Variants in NRXN3 observed in about 807,000 individuals in gnomAD.
NRXN3 encodes neurexin III.
Under a neutral mutation model 137.6 loss-of-function variants are expected in NRXN3, and 32 were observed. The ratio of observed to expected loss-of-function variants is 0.23; its 90% confidence interval spans 0.18 to 0.31. NRXN3 has a LOEUF of 0.31. NRXN3 is among the 10% of genes least tolerant of loss of function. The probability of loss-of-function intolerance (pLI) is 1.00; values close to 1 mark genes in which losing one functional copy is unlikely to be tolerated. For missense variants in NRXN3, 1,574 were observed against 2,062.5 expected, an observed-to-expected ratio of 0.76 and a Z score of 4.59; for synonymous variants, 798 against 784.5, an observed-to-expected ratio of 1.02 and a Z score of -0.29.
chr14:79,643,561 C>G (rs1283217760), intron 16 of NRXN3, among the ~76,000 whole-genome samples: 1 of 135,328 alleles, frequency 7.4e-6, no homozygotes, highest in Non-Finnish European at 1.7e-5. Flanking sequence ...CTTAATACAA[C>G]ATTGAAAGCC....
chr14:79,268,353 G>C (rs1358306408), intron 15 of NRXN3, among the ~76,000 whole-genome samples: 1 of 152,046 alleles, frequency 6.6e-6, no homozygotes. Context: ...TTCCGTATCT[G>C]TTTTCTTTTG....
At chr14:78,632,113 CAAAA>C (rs58767974) in intron 4 of NRXN3, among the ~76,000 whole-genome samples, 8,608 of 74,998 alleles carry the variant, frequency 0.11, 291 homozygotes, top group Middle Eastern at 0.27. Context: ...GACTCCGTCT[CAAAA>C]AAAAAAAAAA....
chr14:78,459,745 TATA>T (rs1567654040), intron 4 of NRXN3, among the ~76,000 whole-genome samples: 1 of 152,216 alleles, frequency 6.6e-6, no homozygotes, highest in Admixed American at 6.5e-5. Flanking sequence ...TTTCTCGTAC[TATA>T]TATTCACAAC....
chr14:79,836,835 G>T (rs1040692591), intron 20 of NRXN3, among the ~76,000 whole-genome samples: 1 of 152,082 alleles, frequency 6.6e-6, no homozygotes, highest in Non-Finnish European at 1.5e-5. Context: ...TGACTCACTA[G>T]CTTCTGTGTT....
At chr14:79,727,224 C>T (rs1360071273) in intron 19 of NRXN3, among the ~76,000 whole-genome samples, 5 of 152,100 alleles carry the variant, frequency 3.3e-5, no homozygotes, top group African/African-American at 9.7e-5. Context: ...AGTGAAACTA[C>T]GATGACCACA....
intron 16 of NRXN3, among the ~76,000 whole-genome samples, chr14:79,535,751 G>A (rs1229536303): frequency 6.6e-6 from 1 of 152,150 alleles, no homozygotes; most frequent in African/African-American, 2.4e-5. Flanking sequence ...GCTACTAAGT[G>A]ATGATGCCAA....
intron 1 of NRXN3, among the ~76,000 whole-genome samples, chr14:78,197,203 A>G (rs1165957024): frequency 6.6e-6 from 1 of 152,214 alleles, no homozygotes; most frequent in Non-Finnish European, 1.5e-5. Context: ...GCCCTCGCCC[A>G]ACCAGACTCT....
chr14:78,965,871 G>T (rs31418), intron 11 of NRXN3, among the ~76,000 whole-genome samples, 154 bp from the exon 12 acceptor site: 1 of 152,164 alleles, frequency 6.6e-6, no homozygotes, highest in Non-Finnish European at 1.5e-5. Context: ...GCCAAGTAAG[G>T]TATCTACCAT....
chr14:78,775,134 T>A (rs1310843332), intron 8 of NRXN3, among the ~76,000 whole-genome samples: 1 of 152,240 alleles, frequency 6.6e-6, no homozygotes, highest in African/African-American at 2.4e-5. Context: ...TCAATATTTT[T>A]ATTCCACCCC....
intron 15 of NRXN3, among the ~76,000 whole-genome samples, chr14:79,189,351 C>A (rs1232569755): frequency 1.5e-5 from 2 of 133,722 alleles, no homozygotes; most frequent in African/African-American, 2.9e-5. Flanking sequence ...AACACATGAA[C>A]ACAGGAAGGG....
chr14:78,796,989 A>T (rs1296663915), intron 8 of NRXN3, among the ~76,000 whole-genome samples: 1 of 152,156 alleles, frequency 6.6e-6, no homozygotes, highest in Non-Finnish European at 1.5e-5. Context: ...AAGATCATAA[A>T]CTTCCTCAAA....
intron 16 of NRXN3, among the ~76,000 whole-genome samples, chr14:79,532,989 C>T (rs981269324): frequency 6.6e-6 from 1 of 152,016 alleles, no homozygotes; most frequent in African/African-American, 2.4e-5. Flanking sequence ...AAAGAGGAAA[C>T]TTGAAAATTT....
chr14:79,036,202 G>T (rs2099615663), intron 15 of NRXN3, among the ~76,000 whole-genome samples: 1 of 152,010 alleles, frequency 6.6e-6, no homozygotes, highest in African/African-American at 2.4e-5. Flanking sequence ...TATTCAGCAA[G>T]ATACTTCCCC....
At chr14:79,451,316 G>A (rs1567163891) in intron 15 of NRXN3, among the ~76,000 whole-genome samples, 1 of 152,150 alleles carries the variant, frequency 6.6e-6, no homozygotes, top group African/African-American at 2.4e-5. Context: ...CTGACTGAAA[G>A]ATAGGTCATT....
At position 78,923,325 on chromosome 14, in the gene NRXN3, G is replaced by A. The variant is rs74936916; in HGVS notation, c.2276-33917G>A. On this transcript the variant is annotated intron_variant, in intron 10 of 20. Transcript: ENST00000335750. ...TTTCCTGTTCTTCATGTTGAATGAG[G>A]CAGTTTATCTTCTGAACAGCTGCTT... is the stretch of plus-strand genomic sequence containing the variant. 5.2e-3 allele frequency among the ~76,000 whole-genome samples: 786 copies of A among 152,286 alleles called. 2 individuals carry two copies. The highest frequency in any genetic ancestry group is 0.018 in the African/African-American group (731 of 41,556).
intron 8 of NRXN3, among the ~76,000 whole-genome samples, chr14:78,777,103 G>A (rs2098747118): frequency 6.6e-6 from 1 of 152,154 alleles, no homozygotes; most frequent in Non-Finnish European, 1.5e-5. Context: ...AAGCCCTCAT[G>A]TGGTATCCTG....
intron 4 of NRXN3, among the ~76,000 whole-genome samples, chr14:78,512,121 A>G (rs1342768975): frequency 1.3e-5 from 2 of 152,148 alleles, no homozygotes; most frequent in Admixed American, 6.6e-5. Flanking sequence ...GGATCGCTTG[A>G]TGGATGATGA....
At chr14:79,076,076 G>A (rs936218815) in intron 15 of NRXN3, among the ~76,000 whole-genome samples, 2 of 152,164 alleles carry the variant, frequency 1.3e-5, no homozygotes, top group African/African-American at 4.8e-5. Context: ...ATCCTCATGA[G>A]TTAGAGCCTT....
intron 16 of NRXN3, among the ~76,000 whole-genome samples, chr14:79,531,940 G>A (rs952652215): frequency 5.9e-5 from 9 of 152,138 alleles, no homozygotes; most frequent in African/African-American, 1.4e-4. Flanking sequence ...AATTATTCTC[G>A]TCAATCATCC....
Sources: allele counts gnomAD v4.1 joint callset (sites outside exome capture counted in the v4.1 genomes callset), GRCh38; gene constraint gnomAD v4.1.1; transcripts MANE v1.5; gene names NCBI Gene and HGNC (gene_info 2026-07-23, HGNC 2026-07-21).